Variants in LIMK2 observed in about 807,000 individuals in gnomAD.
The protein encoded by LIMK2 is LIM domain kinase 2.
In LIMK2, 35 loss-of-function variants were observed where a neutral mutation model predicts 75.7. The observed-to-expected ratio is 0.46, with a 90% CI of 0.35 to 0.61. The LOEUF (loss-of-function observed/expected upper bound fraction) is 0.61, where lower values mean the gene tolerates loss of function less well. Among genes scored for constraint, LIMK2 ranks in the 20% least tolerant of loss-of-function variants. The probability of loss-of-function intolerance (pLI) is 0.00; values close to 1 mark genes in which losing one functional copy is unlikely to be tolerated. For missense variants in LIMK2, 623 were observed against 831.0 expected (o/e 0.75, Z 3.08); for synonymous variants, 301 against 319.2 (o/e 0.94, Z 0.61).
At chr22:31,236,200 G>A (rs1037025141) in intron 2 of LIMK2, among the ~76,000 whole-genome samples, 3 of 151,756 alleles carry the variant, frequency 2.0e-5, no homozygotes, top group Non-Finnish European at 2.9e-5. Flanking sequence ...AGCCTGAGGC[G>A]GGAGAAACAC....
chr22:31,278,166 G>A (rs2049050964), intron 15 of LIMK2, 131 bp from the exon 16 acceptor site: 1 of 714,196 alleles, frequency 1.4e-6, no homozygotes, highest in Non-Finnish European at 2.4e-6. Flanking sequence ...ATTTCTCACA[G>A]AGGCACTACT....
At chr22:31,255,866 T>C (rs2048772970) in intron 2 of LIMK2, among the ~76,000 whole-genome samples, 1 of 151,616 alleles carries the variant, frequency 6.6e-6, no homozygotes, top group Non-Finnish European at 1.5e-5. Context: ...AGAAAGCTAC[T>C]AAGAGAAGTT....
intron 8 of LIMK2, 142 bp downstream of exon 8, chr22:31,266,274 G>A: frequency 1.2e-6 from 1 of 815,074 alleles, no homozygotes; most frequent in Admixed American, 2.6e-5. Context: ...TGGTGTGAGA[G>A]GTATCCTTCA....
intron 2 of LIMK2, among the ~76,000 whole-genome samples, chr22:31,255,434 T>A: frequency 6.6e-6 from 1 of 152,028 alleles, no homozygotes; most frequent in African/African-American, 2.4e-5. Context: ...ATAAGACAAG[T>A]AGGAAAAGCT....
chr22:31,240,278 AG>A (rs1329002969), intron 2 of LIMK2, among the ~76,000 whole-genome samples: 1 of 152,176 alleles, frequency 6.6e-6, no homozygotes, highest in East Asian at 1.9e-4. Flanking sequence ...CTGAGATCAG[AG>A]GGTGCTCCAC....
chr22:31,276,337 C>G (rs1043376214), intron 15 of LIMK2, among the ~76,000 whole-genome samples: 15 of 152,164 alleles, frequency 9.9e-5, no homozygotes, highest in African/African-American at 3.6e-4. Flanking sequence ...CTTCTGTAAT[C>G]TCCCTTAACC....
chr22:31,212,410 TGTCCGC>T lies in LIMK2; in HGVS notation c.4_9del (p.SerAla2_?3). On this transcript the variant is annotated start_lost and inframe_deletion, in exon 1 of 16. Transcript: ENST00000331728. ...CCCCATTTCCGCGCTCCCGGGACCA[TGTCCGC>T]GCTGGCGGGTAAGGAAGGGCTGCTC... 1 of 1,338,018 alleles carries T rather than the reference TGTCCGC, an allele frequency of 7.5e-7. No individual in the cohort carries two copies. Among genetic ancestry groups the T allele is most frequent in the Non-Finnish European group, 9.7e-7 (1 of 1,033,838 alleles). 82.9% of individuals were successfully genotyped at this position (1,338,018 alleles called of 1,614,324 possible). A position where few individuals can be genotyped will look rare whatever the true frequency, so the allele number is the denominator to read the frequency against.
At chr22:31,276,768 G>A (rs373684120) in intron 15 of LIMK2, 24,070 of 1,598,420 alleles carry the variant, frequency 0.015, 238 homozygotes, top group Non-Finnish European at 0.018. Context: ...TGGCGGCCAA[G>A]GACCACGCAT....
chr22:31,233,491 G>A (rs1296871012), intron 2 of LIMK2, among the ~76,000 whole-genome samples: 6 of 152,036 alleles, frequency 3.9e-5, no homozygotes, highest in Admixed American at 2.0e-4. Flanking sequence ...TCCTTCAGGC[G>A]TGCTGTTTTC....
intron 2 of LIMK2, among the ~76,000 whole-genome samples, chr22:31,234,648 G>A (rs1407574527): frequency 2.7e-5 from 4 of 149,480 alleles, no homozygotes; most frequent in Admixed American, 6.8e-5. Flanking sequence ...TTGAACCTGG[G>A]AGGCAGAGGT....
At chr22:31,276,734 G>C in intron 15 of LIMK2, 1 of 1,504,300 alleles carries the variant, frequency 6.6e-7, no homozygotes, top group African/African-American at 1.4e-5. Context: ...TGGCGGCCCC[G>C]GCCCCGGCCC....
chr22:31,250,106 T>TA (rs1420944528), intron 2 of LIMK2, among the ~76,000 whole-genome samples: 1 of 151,678 alleles, frequency 6.6e-6, no homozygotes, highest in Non-Finnish European at 1.5e-5. Context: ...TAGCAGAGAG[T>TA]AAAAAAAGGG....
At chr22:31,218,310 C>T (rs2048404939) in intron 1 of LIMK2, among the ~76,000 whole-genome samples, 1 of 152,138 alleles carries the variant, frequency 6.6e-6, no homozygotes, top group Non-Finnish European at 1.5e-5. Context: ...ATACATTTAC[C>T]CCTCACAAAT....
At chr22:31,274,677 A>G (rs2048995158) in intron 14 of LIMK2, among the ~76,000 whole-genome samples, 1 of 152,234 alleles carries the variant, frequency 6.6e-6, no homozygotes, top group Admixed American at 6.5e-5. Flanking sequence ...CTGAGATTAC[A>G]GGCATGAGCT....
intron 2 of LIMK2, among the ~76,000 whole-genome samples, chr22:31,253,379 T>C (rs150424492): frequency 6.4e-4 from 97 of 152,364 alleles, no homozygotes; most frequent in Non-Finnish European, 1.1e-3. Flanking sequence ...GTGGGACATG[T>C]TCGAGTAGCA....
At chr22:31,236,239 A>AGC (rs959746223) in intron 2 of LIMK2, among the ~76,000 whole-genome samples, 1 of 149,244 alleles carries the variant, frequency 6.7e-6, no homozygotes, top group African/African-American at 2.5e-5. Context: ...GGTTGTAGTG[A>AGC]GCCAGGATTG....
intron 14 of LIMK2, 116 bp from the exon 15 acceptor site, chr22:31,275,035 A>G (rs2048998983): frequency 4.0e-6 from 4 of 1,001,144 alleles, no homozygotes; most frequent in East Asian, 2.4e-5. Flanking sequence ...TCTCTAACCT[A>G]TTTTACCACC....
chr22:31,270,674 ATGTC>A (rs1401184428), intron 11 of LIMK2, among the ~76,000 whole-genome samples: 2 of 152,188 alleles, frequency 1.3e-5, no homozygotes, highest in African/African-American at 4.8e-5. Context: ...GAGGAGGTGA[ATGTC>A]TGAAAGACAG....
intron 2 of LIMK2, among the ~76,000 whole-genome samples, chr22:31,243,877 G>A (rs1414007135): frequency 1.3e-5 from 2 of 152,214 alleles, no homozygotes; most frequent in East Asian, 1.9e-4. Flanking sequence ...AGTTGGCTCT[G>A]AGGAACCACA....
Sources: allele counts gnomAD v4.1 joint callset (sites outside exome capture counted in the v4.1 genomes callset), GRCh38; gene constraint gnomAD v4.1.1; transcripts MANE v1.5; gene names NCBI Gene and HGNC (gene_info 2026-07-23, HGNC 2026-07-21).